The following UNC13C variants were observed in gnomAD, a reference collection of about 807,000 sequenced individuals.
The protein encoded by UNC13C is unc-13 homolog C.
A neutral mutation model predicts 245.4 loss-of-function variants in UNC13C; 174 were observed. That is an observed-to-expected ratio of 0.71 (90% CI 0.63 to 0.80). The LOEUF (loss-of-function observed/expected upper bound fraction) is 0.80. UNC13C is among the 30% of genes least tolerant of loss of function. The probability of loss-of-function intolerance (pLI) is 0.00; values close to 1 mark genes in which losing one functional copy is unlikely to be tolerated. For synonymous variants in UNC13C, 992 were observed against 895.1 expected (o/e 1.11, Z -1.93); for missense variants, 2,829 against 2,602.9 (o/e 1.09, Z -1.89).
chr15:54,267,797 T>C (rs2036584015), intron 10 of UNC13C, among the ~76,000 whole-genome samples: 1 of 152,058 alleles, frequency 6.6e-6, no homozygotes, highest in Admixed American at 6.6e-5. Flanking sequence ...GGACTGTGGG[T>C]CTACAGTTTT....
At chr15:53,933,240 A>G in the UNC13C span, among the ~76,000 whole-genome samples, 1 of 152,140 alleles carries the variant, frequency 6.6e-6, no homozygotes, top group African/African-American at 2.4e-5. Context: ...AAAACTTTTT[A>G]ATACAAAAAT....
intron 2 of UNC13C, among the ~76,000 whole-genome samples, chr15:54,029,770 C>T (rs1340828287): frequency 1.3e-5 from 2 of 152,166 alleles, no homozygotes; most frequent in East Asian, 1.9e-4. Context: ...GGCAGAGGTT[C>T]CCGGGACCCT....
At chr15:54,445,475 C>G (rs1890757628) in intron 19 of UNC13C, among the ~76,000 whole-genome samples, 1 of 152,136 alleles carries the variant, frequency 6.6e-6, no homozygotes, top group Non-Finnish European at 1.5e-5. Context: ...TGTTTCCTGA[C>G]TTTTTAATGA....
the UNC13C span, among the ~76,000 whole-genome samples, chr15:53,859,468 T>C: frequency 6.6e-6 from 1 of 152,192 alleles, no homozygotes; most frequent in Non-Finnish European, 1.5e-5. Flanking sequence ...ACTGAAAACA[T>C]TAAACAAAAC....
chr15:54,032,936 A>G (rs1896422241), intron 2 of UNC13C, among the ~76,000 whole-genome samples: 1 of 152,198 alleles, frequency 6.6e-6, no homozygotes, highest in African/African-American at 2.4e-5. Context: ...CTAATCTATG[A>G]GGAAGGAAAG....
chr15:53,915,770 A>G, the UNC13C span, among the ~76,000 whole-genome samples: 2 of 152,264 alleles, frequency 1.3e-5, no homozygotes, highest in African/African-American at 4.8e-5. Flanking sequence ...ATTGTAGTGC[A>G]AAAATAAATA....
intron 1 of UNC13C, among the ~76,000 whole-genome samples, chr15:54,002,229 T>A (rs968457221): frequency 1.3e-5 from 2 of 152,012 alleles, no homozygotes; most frequent in African/African-American, 4.8e-5. Flanking sequence ...GAGCTTGCAG[T>A]GAGCCAAGAT....
At chr15:54,555,014 A>G (rs1566907103) in intron 28 of UNC13C, among the ~76,000 whole-genome samples, 2 of 152,052 alleles carry the variant, frequency 1.3e-5, no homozygotes, top group Non-Finnish European at 2.9e-5. Context: ...TGGAGGCATT[A>G]TATTTAAAAT....
chr15:54,087,637 T>A lies in UNC13C; in HGVS notation c.2984-55381T>A, dbSNP rs112877853. Among the ~76,000 whole-genome samples the A allele has an allele frequency of 3.9e-5, 6 of 152,314 alleles. 2 individuals are homozygous for A. The highest frequency in any genetic ancestry group is 1.4e-4 in the African/African-American group (6 of 41,572). ...TGTGGGTGACTACCACAGGTAGATC[T>A]CCTATGCCAAAACTACTCCAGTTAC... is the stretch of plus-strand genomic sequence containing the variant. On this transcript the variant is annotated intron_variant, in intron 2 of 32. Coordinates refer to ENST00000260323, the MANE Select transcript of UNC13C (RefSeq NM_001080534.3).
At chr15:54,154,835 G>A (rs1283224433) in intron 4 of UNC13C, among the ~76,000 whole-genome samples, 1 of 152,148 alleles carries the variant, frequency 6.6e-6, no homozygotes, top group Non-Finnish European at 1.5e-5. Flanking sequence ...GCTTCTCATT[G>A]GACAGAACGT....
the UNC13C span, among the ~76,000 whole-genome samples, chr15:53,938,685 C>T: frequency 1.3e-5 from 2 of 152,120 alleles, no homozygotes; most frequent in Non-Finnish European, 1.5e-5. Flanking sequence ...CAAAATAGAA[C>T]TCCAGATTAA....
the UNC13C span, among the ~76,000 whole-genome samples, chr15:53,908,111 G>A: frequency 1.2e-4 from 17 of 146,788 alleles, 1 homozygote; most frequent in African/African-American, 3.2e-4. Context: ...AAATGTCAAC[G>A]TAAGAGGAGA....
chr15:54,064,494 T>G (rs1196833452), intron 2 of UNC13C, among the ~76,000 whole-genome samples: 1 of 152,208 alleles, frequency 6.6e-6, no homozygotes, highest in Non-Finnish European at 1.5e-5. Context: ...TCTGCACAGT[T>G]TCATTCAATA....
At chr15:54,443,098 G>A (rs183666442) in intron 19 of UNC13C, among the ~76,000 whole-genome samples, 1 of 152,052 alleles carries the variant, frequency 6.6e-6, no homozygotes, top group Admixed American at 6.6e-5. Flanking sequence ...ATTGCTCACT[G>A]TTGATCTGGT....
chr15:54,046,177 C>A (rs1897028083), intron 2 of UNC13C, among the ~76,000 whole-genome samples: 1 of 152,110 alleles, frequency 6.6e-6, no homozygotes, highest in Non-Finnish European at 1.5e-5. Flanking sequence ...CTGCCAATAT[C>A]TTGTGAATTG....
At chr15:53,859,393 C>T in the UNC13C span, among the ~76,000 whole-genome samples, 1 of 152,114 alleles carries the variant, frequency 6.6e-6, no homozygotes. Context: ...ATTTCACAGA[C>T]TACTGAAATT....
intron 13 of UNC13C, 68 bp from the exon 14 acceptor site, chr15:54,321,871 G>T: frequency 7.1e-7 from 1 of 1,412,662 alleles, no homozygotes; most frequent in South Asian, 1.3e-5. Context: ...GCTGATGTTA[G>T]AAGCTCTGTT....
At chr15:54,354,308 T>C (rs978372963) in intron 17 of UNC13C, among the ~76,000 whole-genome samples, 9 of 152,370 alleles carry the variant, frequency 5.9e-5, no homozygotes, top group African/African-American at 1.9e-4. Context: ...ATACTTGCCT[T>C]GTTTTTGTGC....
intron 19 of UNC13C, among the ~76,000 whole-genome samples, chr15:54,439,379 A>G (rs1294179847): frequency 6.6e-6 from 1 of 152,024 alleles, no homozygotes; most frequent in Non-Finnish European, 1.5e-5. Flanking sequence ...ACAGTAAAAT[A>G]TATAAAATAG....
Sources: allele counts gnomAD v4.1 joint callset (sites outside exome capture counted in the v4.1 genomes callset), GRCh38; gene constraint gnomAD v4.1.1; transcripts MANE v1.5; gene names NCBI Gene and HGNC (gene_info 2026-07-23, HGNC 2026-07-21).